The following KDM5B variants were observed in gnomAD, a reference collection of about 807,000 sequenced individuals.
The protein encoded by KDM5B is lysine-specific demethylase 5B.
KDM5B carries 144 observed loss-of-function variants against 193.4 expected under a neutral mutation model. The ratio of observed to expected loss-of-function variants is 0.74; its 90% confidence interval spans 0.65 to 0.86. The LOEUF (loss-of-function observed/expected upper bound fraction) is 0.86, where lower values mean the gene tolerates loss of function less well. Ranked by LOEUF, KDM5B falls within the 40% of genes least tolerant of loss-of-function variation. The pLI, the probability that KDM5B is intolerant of heterozygous loss-of-function variation, is 0.00. For missense variants in KDM5B, 1,833 were observed against 1,886.9 expected (o/e 0.97, Z 0.53); for synonymous variants, 668 against 682.6 (o/e 0.98, Z 0.33).
intron 5 of KDM5B, 100 bp downstream of exon 5, chr1:202,766,826 A>G (rs1656482185): frequency 7.4e-7 from 1 of 1,345,998 alleles, no homozygotes; most frequent in Non-Finnish European, 1.0e-6. Flanking sequence ...ACAAGGTTCA[A>G]AACTACAAAG....
chr1:202,746,541 G>T, intron 14 of KDM5B: 1 of 441,786 alleles, frequency 2.3e-6, no homozygotes. Flanking sequence ...GACAAGGCAG[G>T]TCCTTATGTT....
At chr1:202,803,373 T>TA (rs1658153683) in intron 1 of KDM5B, among the ~76,000 whole-genome samples, 2 of 152,156 alleles carry the variant, frequency 1.3e-5, no homozygotes, top group African/African-American at 2.4e-5. Context: ...ATTACATTCT[T>TA]AAAGTCTACA....
At chr1:202,747,661 C>G (rs769394115) in intron 14 of KDM5B, among the ~76,000 whole-genome samples, 42 of 151,192 alleles carry the variant, frequency 2.8e-4, no homozygotes, top group Non-Finnish European at 4.9e-4. Context: ...GTGACTTTAG[C>G]AAGGTCTCAG....
At chr1:202,741,275 GA>G in intron 19 of KDM5B, 91 bp downstream of exon 19, 1 of 837,020 alleles carries the variant, frequency 1.2e-6, no homozygotes, top group Non-Finnish European at 1.8e-6. Flanking sequence ...CGCAGCTACT[GA>G]GCACTTGCCA....
chr1:202,777,136 A>G, intron 1 of KDM5B, 42 bp from the exon 2 acceptor site: 1 of 1,432,562 alleles, frequency 7.0e-7, no homozygotes, highest in Non-Finnish European at 9.8e-7. Flanking sequence ...ACTTATAAGC[A>G]TTTGACATTC....
intron 21 of KDM5B, 27 bp from the exon 22 acceptor site, chr1:202,735,614 G>T: frequency 6.3e-7 from 1 of 1,599,374 alleles, no homozygotes; most frequent in Non-Finnish European, 8.5e-7. Flanking sequence ...CACAACCAAT[G>T]GTAAAATAAA....
At chr1:202,741,344 G>GA in intron 19 of KDM5B, 23 bp downstream of exon 19, 1 of 1,492,528 alleles carries the variant, frequency 6.7e-7, no homozygotes, top group Non-Finnish European at 9.0e-7. Context: ...CCTTCCCAAA[G>GA]AAAGAGAAGT....
At chr1:202,768,957 G>T (rs1329003942) in intron 4 of KDM5B, among the ~76,000 whole-genome samples, 1 of 151,238 alleles carries the variant, frequency 6.6e-6, no homozygotes, top group African/African-American at 2.4e-5. Context: ...CAGGTGATCA[G>T]CCCGCCTCAG....
intron 7 of KDM5B, among the ~76,000 whole-genome samples, chr1:202,761,701 CAGCCAAGGAAAGAG>C (rs2102274287): frequency 6.6e-6 from 1 of 152,292 alleles, no homozygotes; most frequent in African/African-American, 2.4e-5. Context: ...CAGCCATCCA[CAGCCAAGGAAAGAG>C]GGCTCAGAAG....
intron 1 of KDM5B, among the ~76,000 whole-genome samples, chr1:202,797,560 T>C (rs1247392134): frequency 6.6e-6 from 1 of 152,246 alleles, no homozygotes; most frequent in Non-Finnish European, 1.5e-5. Flanking sequence ...GGTAAACATT[T>C]TTCCTGCCAC....
intron 16 of KDM5B, 90 bp from the exon 17 acceptor site, chr1:202,742,895 C>T: frequency 2.8e-6 from 3 of 1,065,560 alleles, no homozygotes; most frequent in South Asian, 3.1e-5. Flanking sequence ...TTTGTCAGTT[C>T]TTGTCTAGAA....
At position 202,725,540 on chromosome 1, in the gene KDM5B, T is replaced by G. The variant is rs554932016; in HGVS notation, c.*3496A>C. 1 of 151,926 alleles carries G rather than the reference T, an allele frequency of 6.6e-6. No individual in the cohort carries two copies. Among genetic ancestry groups the G allele is most frequent in the Non-Finnish European group, 1.5e-5 (1 of 67,970 alleles). The allele number at this position is 151,926 out of a possible 1,614,324, so 9.4% of individuals were successfully genotyped here. ...ACTGCTGCTTCATAGTCACTAGGAGTTGAGGGACCCTGACCCTCATACATA... is the reference window on the plus strand; with the variant it reads ...ACTGCTGCTTCATAGTCACTAGGAGGTGAGGGACCCTGACCCTCATACATA... On this transcript the variant is annotated 3_prime_UTR_variant, in exon 27 of 27. Coordinates refer to ENST00000367265, the MANE Select transcript of KDM5B (RefSeq NM_006618.5).
Position 202,733,670 on chromosome 1 carries a change from G to A in KDM5B, c.3640C>T (p.Arg1214Ter), listed in dbSNP as rs1388990301. 3 of 1,614,082 alleles carry A rather than the reference G, an allele frequency of 1.9e-6. No individual in the cohort carries two copies. The highest frequency in any genetic ancestry group is 2.5e-6 in the Non-Finnish European group (3 of 1,180,010). ...VAVPSISQGLRIWLCPHCRRS... is the reference protein window; with the variant it reads ...VAVPSISQGL ...CGACAATGGGGACAAAGCCAGATTC[G>A]CAGGCCCTGTGAAATACTGGGTACC... is the stretch of plus-strand genomic sequence containing the variant. The change falls in exon 23 of 27, where the codon CGA becomes TGA. Residue 1214 changes from arginine (R) to a stop codon, truncating the protein, a stop_gained. Transcript: ENST00000367265. LOFTEE classifies it high-confidence loss of function.
At position 202,730,790 on chromosome 1, in the gene KDM5B, C is replaced by T. The variant is rs1654855122; in HGVS notation, c.4176+119G>A. ...AACTAAGTCAGCATTCAAAATGGGT[C>T]ATCCTCAGTCTAATCGCCCAGTCCT... is the stretch of plus-strand genomic sequence containing the variant. On this transcript the variant is annotated intron_variant, in intron 25 of 26. Coordinates refer to ENST00000367265, the MANE Select transcript of KDM5B (RefSeq NM_006618.5). 4.3e-6 allele frequency: 4 copies of T among 921,992 alleles called. No individual in the cohort carries two copies. The South Asian group carries it at 6.3e-5, about 14-fold the overall frequency. The allele number at this position is 921,992 out of a possible 1,614,324, so 57.1% of individuals were successfully genotyped here.
chr1:202,795,393 T>C (rs934082862), intron 1 of KDM5B, among the ~76,000 whole-genome samples: 1 of 152,052 alleles, frequency 6.6e-6, no homozygotes, highest in Non-Finnish European at 1.5e-5. Flanking sequence ...GGCTCACACC[T>C]GCAATCTCAG....
chr1:202,767,457 G>A (rs932768176), intron 4 of KDM5B: 14 of 1,170,108 alleles, frequency 1.2e-5, no homozygotes, highest in African/African-American at 9.1e-5. Flanking sequence ...TGCAGAGACC[G>A]AGGAAGGATG....
intron 1 of KDM5B, among the ~76,000 whole-genome samples, chr1:202,794,673 A>G (rs1409199897): frequency 6.6e-6 from 1 of 152,202 alleles, no homozygotes; most frequent in Non-Finnish European, 1.5e-5. Flanking sequence ...GTATTAAGTG[A>G]CTGATTCAAG....
At position 202,774,744 on chromosome 1, in the gene KDM5B, C is replaced by CA. The variant is rs1656867273; in HGVS notation, c.283-10dup. On this transcript the variant is annotated splice_polypyrimidine_tract_variant and intron_variant, in intron 2 of 26. Coordinates refer to ENST00000367265, the MANE Select transcript of KDM5B (RefSeq NM_006618.5). ...TTTACACGAGTTTGGGCCTAAAAGA[C>CA]AAAGAATTGAGTTTTCATCTCATTT... 6.2e-7 allele frequency: 1 copy of CA among 1,611,500 alleles called. No homozygotes were observed. Among genetic ancestry groups the CA allele is most frequent in the Non-Finnish European group, 8.5e-7 (1 of 1,178,580 alleles).
chr1:202,792,912 G>A (rs984851269), intron 1 of KDM5B, among the ~76,000 whole-genome samples: 5 of 151,492 alleles, frequency 3.3e-5, no homozygotes, highest in Non-Finnish European at 5.9e-5. Context: ...CAGGAGAATC[G>A]CTTGAACCCA....
Sources: allele counts gnomAD v4.1 joint callset (sites outside exome capture counted in the v4.1 genomes callset), GRCh38; gene constraint gnomAD v4.1.1; transcripts MANE v1.5; gene names NCBI Gene and HGNC (gene_info 2026-07-23, HGNC 2026-07-21).